ZNF606: variants seen among roughly 807,000 people sequenced by gnomAD.
The protein encoded by ZNF606 is zinc finger protein 328.
ZNF606 carries 37 observed loss-of-function variants against 74.9 expected under a neutral mutation model. That is an observed-to-expected ratio of 0.49 (90% CI 0.38 to 0.65). ZNF606 has a LOEUF of 0.65. Among genes scored for constraint, ZNF606 ranks in the 30% least tolerant of loss-of-function variants. The pLI is 0.00. For synonymous variants in ZNF606, 328 were observed against 312.4 expected (o/e 1.05, Z -0.53); for missense variants, 852 against 952.9 (o/e 0.89, Z 1.39).
chr19:57,980,047 T>G lies in ZNF606; in HGVS notation c.633A>C (p.Glu211Asp). The change falls in exon 7 of 7, where the codon GAA becomes GAC. Residue 211 changes from glutamate (E) to aspartate (D), a missense_variant. Around this residue, in one of 3 missense-constraint regions of ZNF606, gnomAD observed 545 missense variants for 542.5 expected, o/e 1.00. Transcript: ENST00000551380. Reference protein sequence around the residue: ...QKQVLSQRSSEFCGLGAEFSQ... With the variant: ...QKQVLSQRSSDFCGLGAEFSQ... ...TAAACTCTGCCCCAAGTCCACAGAA[T>G]TCAGAGCTTCTCTGGGATAGTACTT... 2 of 1,613,632 alleles carry G rather than the reference T, an allele frequency of 1.2e-6. No homozygotes were observed. The highest frequency in any genetic ancestry group is 1.7e-6 in the Non-Finnish European group (2 of 1,180,026).
intron 4 of ZNF606, chr19:57,998,113 G>C (rs549341113): frequency 6.6e-6 from 1 of 152,198 alleles, no homozygotes; most frequent in Admixed American, 6.5e-5. Flanking sequence ...ACATCTGCTT[G>C]ATTCATTATC....
At chr19:57,983,358 T>TG (rs1031465741) in intron 6 of ZNF606, among the ~76,000 whole-genome samples, 1 of 152,124 alleles carries the variant, frequency 6.6e-6, no homozygotes, top group African/African-American at 2.4e-5. Context: ...GTGGATTACC[T>TG]GAGGTCAGGA....
rs187989000 is a variant in ZNF606, at chr19:57,988,294, T to C, written c.313A>G (p.Ile105Val). The change falls in exon 6 of 7, where the codon ATT becomes GTT. Residue 105 changes from isoleucine to valine, a missense_variant. This residue lies in a region of ZNF606 where 545 missense variants were observed against 542.5 expected (regional missense o/e 1.00). Coordinates refer to ENST00000551380, the MANE Select transcript of ZNF606 (RefSeq NM_001348022.3). ...YGHLLSVGNQIAKPEVISLLE... is the reference protein window; with the variant it reads ...YGHLLSVGNQVAKPEVISLLE... ...AGGGAGATGACCTCAGGCTTGGCAA[T>C]CTGATTTCCTATGCATGGAGGAAAA... 1 of 1,613,932 alleles carries C rather than the reference T, an allele frequency of 6.2e-7. No homozygotes were observed. Among genetic ancestry groups the C allele is most frequent in the Admixed American group, 1.7e-5 (1 of 59,962 alleles).
rs777175213 is a variant in ZNF606, at chr19:57,999,789, C to G, written c.177+19G>C. 1.6e-5 allele frequency: 25 copies of G among 1,612,294 alleles called. No homozygotes were observed. The highest frequency in any genetic ancestry group is 2.0e-5 in the Non-Finnish European group (24 of 1,178,664). On this transcript the variant is annotated intron_variant, in intron 4 of 6. Transcript: ENST00000551380. ...TAACCTGGACATCATCCTCTGGGAA[C>G]AGGACAGCCCCATCTCACCTGAACC...
chr19:57,985,074 G>A (rs951893844), intron 6 of ZNF606, among the ~76,000 whole-genome samples: 1 of 152,078 alleles, frequency 6.6e-6, no homozygotes, highest in Non-Finnish European at 1.5e-5. Flanking sequence ...GAGCCTGGGC[G>A]ACAGAGCGAG....
chr19:58,001,286 C>T lies in ZNF606; in HGVS notation c.31+3G>A. 1 of 1,614,148 alleles carries T rather than the reference C, an allele frequency of 6.2e-7. No individual in the cohort carries two copies. On this transcript the variant is annotated splice_donor_region_variant and intron_variant, in intron 2 of 6. Transcript: ENST00000551380. ...GCCCAGGAGAAACACAACTTGGACT[C>T]ACCCCAGGAGGCCCACGGGTTGATG...
intron 4 of ZNF606, among the ~76,000 whole-genome samples, chr19:57,991,235 G>A (rs771335690): frequency 6.6e-6 from 1 of 151,794 alleles, no homozygotes; most frequent in African/African-American, 2.4e-5. Flanking sequence ...AAGGATCTTG[G>A]AGCAACAATT....
chr19:57,999,799 C>T lies in ZNF606; in HGVS notation c.177+9G>A. On this transcript the variant is annotated intron_variant, in intron 4 of 6. Coordinates refer to ENST00000551380, the MANE Select transcript of ZNF606 (RefSeq NM_001348022.3). Reference sequence around the variant, plus strand: ...ATCATCCTCTGGGAACAGGACAGCCCCATCTCACCTGAACCTGGGCTGCTG... The same window carrying T: ...ATCATCCTCTGGGAACAGGACAGCCTCATCTCACCTGAACCTGGGCTGCTG... The T allele has an allele frequency of 1.2e-6, 2 of 1,613,748 alleles. No individual in the cohort carries two copies. Among genetic ancestry groups the T allele is most frequent in the South Asian group, 1.1e-5 (1 of 91,078 alleles).
At chr19:57,985,811 GTAA>G (rs1486666418) in intron 6 of ZNF606, among the ~76,000 whole-genome samples, 4 of 151,860 alleles carry the variant, frequency 2.6e-5, no homozygotes, top group South Asian at 4.2e-4. Context: ...GCGGGCCCCT[GTAA>G]TCCTAGCTAC....
At chr19:57,999,456 T>TCACAGCAGG (rs1036336745) in intron 4 of ZNF606, 14 of 366,556 alleles carry the variant, frequency 3.8e-5, no homozygotes, top group Admixed American at 1.3e-4. Flanking sequence ...CTTGTTCCCT[T>TCACAGCAGG]CACAGCAGGC....
At chr19:57,993,790 A>C (rs1004556812) in intron 4 of ZNF606, among the ~76,000 whole-genome samples, 3 of 152,170 alleles carry the variant, frequency 2.0e-5, no homozygotes, top group Non-Finnish European at 2.9e-5. Context: ...ATATCTATGA[A>C]ACTGGAAGCA....
Position 57,988,279 on chromosome 19 carries a change from C to A in ZNF606, c.328G>T (p.Val110Phe), listed in dbSNP as rs753658171. The A allele has an allele frequency of 1.2e-6, 2 of 1,613,916 alleles. No individual in the cohort carries two copies. The highest frequency in any genetic ancestry group is 1.3e-5 in the African/African-American group (1 of 74,880). The change falls in exon 6 of 7, where the codon GTC (valine) becomes TTC (phenylalanine). Residue 110 changes from valine to phenylalanine, a missense_variant. This residue lies in a region of ZNF606 where 545 missense variants were observed against 542.5 expected (regional missense o/e 1.00). Transcript: ENST00000551380. ...SVGNQIAKPE[V>F]ISLLEQGEEP... ...TCTCCTTGCTCCAACAGGGAGATGA[C>A]CTCAGGCTTGGCAATCTGATTTCCT...
In ZNF606 at chr19:57,979,862, G is replaced by A. The variant is rs140496767; in HGVS notation, c.818C>T (p.Ser273Phe). The A allele has an allele frequency of 1.6e-5, 26 of 1,613,694 alleles. No homozygotes were observed. The highest frequency in any genetic ancestry group is 2.0e-5 in the Non-Finnish European group (24 of 1,180,016). Residue 273 changes from serine to phenylalanine, a missense_variant, in exon 7 of 7, where the codon TCC becomes TTC. By Grantham distance (155) the Ser-to-Phe change is radical (BLOSUM62 -2). This residue lies in a region of ZNF606 where 545 missense variants were observed against 542.5 expected (regional missense o/e 1.00). Transcript: ENST00000551380. ...TCTTGCAGGGTAAATAGGTTGAATG[G>A]ACTGATAAACAGTTTTGTCATAATC... The part of the protein sequence containing the change: ...NNDYDKTVYQ[S>F]IQPIYPARIQ...
intron 6 of ZNF606, among the ~76,000 whole-genome samples, chr19:57,983,636 C>T (rs1210132641): frequency 6.6e-6 from 1 of 151,052 alleles, no homozygotes; most frequent in Non-Finnish European, 1.5e-5. Context: ...GGTTATAGAA[C>T]AGATGCTAAG....
rs578019837 is a variant in ZNF606, at chr19:57,989,464, C to T, written c.178-743G>A. On this transcript the variant is annotated intron_variant, in intron 4 of 6. Transcript: ENST00000551380. ...TATTATTATTTTTTAATTATTTTAT[C>T]GAGACAGAGTCTCGCTCTGTCGCCC... Among the ~76,000 whole-genome samples, 145 of 151,158 alleles carry T rather than the reference C, an allele frequency of 9.6e-4. 1 individual carries two copies. The highest frequency in any genetic ancestry group is 2.5e-4 in the Non-Finnish European group (17 of 67,952).
chr19:57,978,493 G>A lies in ZNF606; in HGVS notation c.2187C>T (p.Asn729=). The change falls in exon 7 of 7, where the codon AAC becomes AAT. Residue 729 remains asparagine, a synonymous_variant. Transcript: ENST00000551380. The surrounding 1 kb of genome is among the most constrained non-coding windows in gnomAD (Gnocchi z 4.4). ...ESSSLIVHLR[N]HTGEKPYKCN... ...ATTTGTAGGGCTTTTCTCCAGTATG[G>A]TTTCTTAGGTGTACAATAAGGGATG... 6.2e-7 allele frequency: 1 copy of A among 1,613,760 alleles called. No homozygotes were observed. Among genetic ancestry groups the A allele is most frequent in the Non-Finnish European group, 8.5e-7 (1 of 1,179,756 alleles).
At chr19:57,992,094 A>G (rs111654917) in intron 4 of ZNF606, among the ~76,000 whole-genome samples, 2,025 of 152,300 alleles carry the variant, frequency 0.013, 52 homozygotes, top group African/African-American at 0.047. Flanking sequence ...TGGAATCATT[A>G]TATGTTCAAA....
At chr19:57,995,189 CAAAAAAAAAA>C (rs766350560) in intron 4 of ZNF606, among the ~76,000 whole-genome samples, 1 of 49,522 alleles carries the variant, frequency 2.0e-5, no homozygotes. Context: ...GACTCTGACT[CAAAAAAAAAA>C]AAAAAAAAAA....
At position 57,978,531 on chromosome 19, in the gene ZNF606, A is replaced by C; in HGVS notation, c.2149T>G (p.Phe717Val). The C allele has an allele frequency of 6.2e-7, 1 of 1,614,160 alleles. No homozygotes were observed. Among genetic ancestry groups the C allele is most frequent in the Non-Finnish European group, 8.5e-7 (1 of 1,180,022 alleles). Residue 717 changes from phenylalanine (F) to valine (V), a missense_variant, in exon 7 of 7, where the codon TTT becomes GTT. By Grantham distance (50) the Phe-to-Val change is conservative (BLOSUM62 -1). Around this residue, in one of 3 missense-constraint regions of ZNF606, gnomAD observed 243 missense variants for 359.2 expected, o/e 0.68. Coordinates refer to ENST00000551380, the MANE Select transcript of ZNF606 (RefSeq NM_001348022.3). This position sits in a 1 kb window ranked among gnomAD's most constrained non-coding sequence, Gnocchi z 4.4. ...PYRCNECGKA[F>V]NESSSLIVHL... ...ACAATAAGGGATGAACTCTCATTAAATGCTTTCCCACATTCATTACACCTG... is the reference window on the plus strand; with the variant it reads ...ACAATAAGGGATGAACTCTCATTAACTGCTTTCCCACATTCATTACACCTG...
Sources: allele counts gnomAD v4.1 joint callset (sites outside exome capture counted in the v4.1 genomes callset), GRCh38; gene constraint gnomAD v4.1.1; regional missense constraint gnomAD v4.1.1; non-coding constraint Gnocchi (gnomAD v3.1); transcripts MANE v1.5; gene names NCBI Gene and HGNC (gene_info 2026-07-23, HGNC 2026-07-21).